The following DEPTOR variants were observed in gnomAD, a reference collection of about 807,000 sequenced individuals.
The protein encoded by DEPTOR is DEP domain containing MTOR interacting protein, also known as DEP domain-containing mTOR-interacting protein.
In DEPTOR, 41 loss-of-function variants were observed where a neutral mutation model predicts 41.6. The ratio of observed to expected loss-of-function variants is 0.98; its 90% CI spans 0.77 to 1.28. DEPTOR has a LOEUF of 1.28. Among genes scored for constraint, DEPTOR ranks in the 50% most tolerant of loss-of-function variants. The probability of loss-of-function intolerance (pLI) is 0.00; values close to 1 mark genes in which losing one functional copy is unlikely to be tolerated. For missense variants in DEPTOR, 514 were observed against 527.9 expected, an observed-to-expected ratio of 0.97 and a Z score of 0.26; for synonymous variants, 195 against 192.3, an observed-to-expected ratio of 1.01 and a Z score of -0.12.
At chr8:119,983,445 C>T (rs1289775966) in intron 4 of DEPTOR, among the ~76,000 whole-genome samples, 3 of 151,950 alleles carry the variant, frequency 2.0e-5, no homozygotes, top group Non-Finnish European at 2.9e-5. Context: ...AGTGGAGTGG[C>T]GCCATCTCGG....
chr8:120,040,612 T>C (rs575032917), intron 8 of DEPTOR, among the ~76,000 whole-genome samples: 4 of 152,152 alleles, frequency 2.6e-5, no homozygotes, highest in South Asian at 4.2e-4. Context: ...TTGTATTTGG[T>C]TGTGCTTTTT....
At chr8:119,925,872 G>A (rs1827957607) in intron 1 of DEPTOR, among the ~76,000 whole-genome samples, 1 of 152,168 alleles carries the variant, frequency 6.6e-6, no homozygotes, top group Non-Finnish European at 1.5e-5. Flanking sequence ...TGATCCACCT[G>A]CCTTGGCCTC....
chr8:119,956,619 A>G (rs1828419814), intron 3 of DEPTOR, among the ~76,000 whole-genome samples: 1 of 148,474 alleles, frequency 6.7e-6, no homozygotes, highest in Non-Finnish European at 1.5e-5. Context: ...AAAGGCCAGG[A>G]GTCTGTGTCT....
chr8:120,049,378 AT>A (rs57019053), intron 8 of DEPTOR, among the ~76,000 whole-genome samples, 197 bp from the exon 9 acceptor site: 19,721 of 146,178 alleles, frequency 0.13, 2,308 homozygotes, highest in African/African-American at 0.31. Context: ...CACTAAAACG[AT>A]TTTTTTTTTT....
At chr8:119,929,401 C>T (rs1828011101) in intron 2 of DEPTOR, among the ~76,000 whole-genome samples, 1 of 152,128 alleles carries the variant, frequency 6.6e-6, no homozygotes, top group African/African-American at 2.4e-5. Flanking sequence ...ATTGCACTCT[C>T]TCCTTACCTC....
intron 8 of DEPTOR, among the ~76,000 whole-genome samples, chr8:120,028,938 A>C (rs1270022562): frequency 6.6e-6 from 1 of 151,946 alleles, no homozygotes; most frequent in African/African-American, 2.4e-5. Context: ...TACAAAAACT[A>C]GCCAGACGTG....
rs1445414714 is a variant in DEPTOR, at chr8:120,008,155, A to G, written c.997-874A>G. Among the ~76,000 whole-genome samples, 4 of 152,134 alleles carry G rather than the reference A, an allele frequency of 2.6e-5. No homozygotes were observed. The South Asian group carries it at 8.3e-4, about 32-fold the overall frequency. ...CTTTTGGATTAGAGTCTACTTGTAC[A>G]TTGTGAACTTTATGTACTTTTTCAC... is the stretch of plus-strand genomic sequence containing the variant. On this transcript the variant is annotated intron_variant, in intron 7 of 8. Transcript: ENST00000286234.
chr8:119,968,850 T>C (rs1445543134), intron 4 of DEPTOR, among the ~76,000 whole-genome samples: 1 of 152,078 alleles, frequency 6.6e-6, no homozygotes, highest in Non-Finnish European at 1.5e-5. Flanking sequence ...TTTCATATCT[T>C]TGCTCTACAG....
intron 8 of DEPTOR, among the ~76,000 whole-genome samples, chr8:120,022,335 G>C (rs1440325012): frequency 6.6e-6 from 1 of 152,014 alleles, no homozygotes; most frequent in African/African-American, 2.4e-5. Flanking sequence ...TTAACGTTTT[G>C]TTGACACTAA....
chr8:119,954,429 G>A (rs1828392144), intron 3 of DEPTOR, among the ~76,000 whole-genome samples: 1 of 152,130 alleles, frequency 6.6e-6, no homozygotes, highest in Admixed American at 6.6e-5. Context: ...TAAGGTGTGA[G>A]CCAGCATGCC....
At chr8:119,952,126 ACT>A (rs2129928812) in intron 3 of DEPTOR, among the ~76,000 whole-genome samples, 2 of 151,960 alleles carry the variant, frequency 1.3e-5, no homozygotes, top group East Asian at 1.9e-4. Context: ...ACAGAGTGAA[ACT>A]CTGTCTCAAA....
At chr8:120,020,069 A>AT (rs10706349) in intron 8 of DEPTOR, among the ~76,000 whole-genome samples, 92 of 151,138 alleles carry the variant, frequency 6.1e-4, no homozygotes, top group African/African-American at 1.7e-3. Flanking sequence ...AGTTCTTCTC[A>AT]TTTTTTTTTG....
intron 4 of DEPTOR, among the ~76,000 whole-genome samples, chr8:119,969,359 T>A (rs1396430158): frequency 6.6e-6 from 1 of 151,510 alleles, no homozygotes; most frequent in Non-Finnish European, 1.5e-5. Context: ...TGTTTTTTTT[T>A]GTTTTTTTTT....
intron 8 of DEPTOR, among the ~76,000 whole-genome samples, chr8:120,031,679 C>T (rs541866181): frequency 1.1e-4 from 17 of 152,174 alleles, no homozygotes; most frequent in Admixed American, 3.3e-4. Flanking sequence ...TAAGTCTCTA[C>T]TCATCTTTGC....
At chr8:119,981,147 A>G (rs529365841) in intron 4 of DEPTOR, among the ~76,000 whole-genome samples, 77 of 152,338 alleles carry the variant, frequency 5.1e-4, no homozygotes, top group African/African-American at 1.8e-3. Flanking sequence ...TCCATGAGAA[A>G]CAATTCCTGT....
intron 1 of DEPTOR, among the ~76,000 whole-genome samples, chr8:119,884,070 G>C (rs1489722183): frequency 1.3e-5 from 2 of 152,162 alleles, no homozygotes; most frequent in South Asian, 2.1e-4. Context: ...TTAGGTTAGA[G>C]TTAGAGTGAG....
intron 8 of DEPTOR, among the ~76,000 whole-genome samples, chr8:120,011,161 C>T (rs1337497832): frequency 4.6e-5 from 7 of 152,150 alleles, no homozygotes; most frequent in South Asian, 2.1e-4. Context: ...AATAAGTGGG[C>T]AACAGAAAAT....
intron 4 of DEPTOR, among the ~76,000 whole-genome samples, chr8:119,986,161 C>T (rs1443701858): frequency 1.3e-5 from 2 of 151,626 alleles, no homozygotes; most frequent in African/African-American, 4.9e-5. Context: ...TGCAGTGGCT[C>T]GTACTGGTTG....
At chr8:120,036,190 G>T (rs191964313) in intron 8 of DEPTOR, among the ~76,000 whole-genome samples, 31 of 152,266 alleles carry the variant, frequency 2.0e-4, no homozygotes, top group African/African-American at 6.5e-4. Context: ...GATTGATTGG[G>T]GCTGAAAGGG....
Sources: allele counts gnomAD v4.1 joint callset (sites outside exome capture counted in the v4.1 genomes callset), GRCh38; gene constraint gnomAD v4.1.1; transcripts MANE v1.5; gene names NCBI Gene and HGNC (gene_info 2026-07-23, HGNC 2026-07-21).